ASIC2: variants seen among roughly 807,000 people sequenced by gnomAD.
The protein encoded by ASIC2 is acid sensing ion channel subunit 2, also known as acid-sensing ion channel 2.
ASIC2 carries 25 observed loss-of-function variants against 57.3 expected under a neutral mutation model. The observed-to-expected ratio is 0.44, with a 90% CI of 0.32 to 0.61. The LOEUF is 0.61. Ranked by LOEUF, ASIC2 falls within the 20% of genes least tolerant of loss-of-function variation. ASIC2 has a pLI of 0.06. For synonymous variants in ASIC2, 319 were observed against 307.5 expected (o/e 1.04, Z -0.39); for missense variants, 641 against 738.1 (o/e 0.87, Z 1.52).
At chr17:33,131,460 C>T (rs908944624) in intron 1 of ASIC2, 6 of 152,728 alleles carry the variant, frequency 3.9e-5, no homozygotes, top group Admixed American at 3.3e-4. Flanking sequence ...CCCAGAATCA[C>T]TCAGCTACAG....
At chr17:34,103,292 T>G (rs931520935) in intron 1 of ASIC2, among the ~76,000 whole-genome samples, 2 of 152,086 alleles carry the variant, frequency 1.3e-5, no homozygotes, top group African/African-American at 4.8e-5. Flanking sequence ...ACCACAGGCA[T>G]GTGCCACAAT....
At chr17:33,822,827 GA>G (rs1912787313) in intron 1 of ASIC2, among the ~76,000 whole-genome samples, 1 of 152,216 alleles carries the variant, frequency 6.6e-6, no homozygotes, top group Non-Finnish European at 1.5e-5. Context: ...ATCATGGCAG[GA>G]AAGATGTCGT....
intron 1 of ASIC2, among the ~76,000 whole-genome samples, chr17:33,802,119 GC>G (rs1912149395): frequency 6.6e-6 from 1 of 152,186 alleles, no homozygotes. Context: ...ATGACAGACT[GC>G]ATATACGACA....
intron 1 of ASIC2, among the ~76,000 whole-genome samples, chr17:33,227,279 C>T (rs1907917237): frequency 6.6e-6 from 1 of 152,196 alleles, no homozygotes; most frequent in Non-Finnish European, 1.5e-5. Flanking sequence ...AGAATTGTGT[C>T]ATTTACCCTT....
chr17:33,709,508 G>A (rs1020614214), intron 1 of ASIC2, among the ~76,000 whole-genome samples: 26 of 152,200 alleles, frequency 1.7e-4, no homozygotes, highest in Non-Finnish European at 2.9e-4. Context: ...TCAGCAGACT[G>A]CAACCCAGAA....
chr17:33,737,875 A>T (rs1047143558), intron 1 of ASIC2, among the ~76,000 whole-genome samples: 1 of 152,228 alleles, frequency 6.6e-6, no homozygotes, highest in African/African-American at 2.4e-5. Context: ...ACTGCAATCC[A>T]GTTGGATATG....
At chr17:34,052,393 C>T (rs1447727830) in intron 1 of ASIC2, among the ~76,000 whole-genome samples, 2 of 152,130 alleles carry the variant, frequency 1.3e-5, no homozygotes, top group Admixed American at 6.5e-5. Flanking sequence ...ATATTGCCAC[C>T]GGAATCCTCC....
intron 1 of ASIC2, among the ~76,000 whole-genome samples, chr17:33,980,361 A>T (rs959258126): frequency 2.6e-5 from 4 of 152,336 alleles, no homozygotes; most frequent in Non-Finnish European, 5.9e-5. Flanking sequence ...CCAGGATCAA[A>T]GAACTTCCCC....
At chr17:33,400,098 T>C (rs1372328199) in intron 1 of ASIC2, among the ~76,000 whole-genome samples, 3 of 152,170 alleles carry the variant, frequency 2.0e-5, no homozygotes, top group African/African-American at 7.2e-5. Context: ...CTGGTCTGGG[T>C]TAAAACTGCA....
At chr17:33,577,993 C>T (rs1203616418) in intron 1 of ASIC2, among the ~76,000 whole-genome samples, 2 of 151,938 alleles carry the variant, frequency 1.3e-5, no homozygotes, top group Non-Finnish European at 1.5e-5. Context: ...CTTGGGCTTC[C>T]AATCTCCATT....
At chr17:33,611,390 G>T (rs1256612958) in intron 1 of ASIC2, among the ~76,000 whole-genome samples, 1 of 152,190 alleles carries the variant, frequency 6.6e-6, no homozygotes, top group Non-Finnish European at 1.5e-5. Flanking sequence ...ATAACCCTGG[G>T]ATCCAGACCT....
chr17:33,200,806 A>G (rs892876284), intron 1 of ASIC2, among the ~76,000 whole-genome samples: 1 of 152,006 alleles, frequency 6.6e-6, no homozygotes, highest in African/African-American at 2.4e-5. Context: ...TCTGCTCACA[A>G]TCCTCCAATG....
intron 1 of ASIC2, among the ~76,000 whole-genome samples, chr17:33,886,233 G>T (rs1914826684): frequency 6.6e-6 from 1 of 152,116 alleles, no homozygotes; most frequent in African/African-American, 2.4e-5. Context: ...GTAGCCCTTA[G>T]GGCTTCTGCT....
chr17:33,268,388 T>G (rs1344629522), intron 1 of ASIC2, among the ~76,000 whole-genome samples: 1 of 151,828 alleles, frequency 6.6e-6, no homozygotes, highest in African/African-American at 2.4e-5. Context: ...CATCCATCCA[T>G]CCATCTATAC....
intron 1 of ASIC2, among the ~76,000 whole-genome samples, chr17:33,114,725 AG>A (rs1473068266): frequency 1.3e-5 from 2 of 152,234 alleles, no homozygotes; most frequent in African/African-American, 2.4e-5. Flanking sequence ...AGAATTGAAA[AG>A]GGTCTTAGAG....
intron 1 of ASIC2, among the ~76,000 whole-genome samples, chr17:33,414,069 G>A (rs1910753856): frequency 6.6e-6 from 1 of 152,176 alleles, no homozygotes; most frequent in Admixed American, 6.5e-5. Context: ...TCCTCCTTAA[G>A]TCTTGTTCCC....
chr17:33,044,304 A>C (rs941586471), intron 3 of ASIC2, among the ~76,000 whole-genome samples: 11 of 151,188 alleles, frequency 7.3e-5, no homozygotes, highest in Non-Finnish European at 4.4e-5. Context: ...CCATCCATCC[A>C]ACCATCCATC....
At chr17:33,712,142 G>A (rs1256409479) in intron 1 of ASIC2, among the ~76,000 whole-genome samples, 3 of 152,186 alleles carry the variant, frequency 2.0e-5, no homozygotes, top group Non-Finnish European at 4.4e-5. Context: ...GCTAATCCCT[G>A]TCTTCTTTCA....
chr17:33,691,728 C>A (rs1211497406), intron 1 of ASIC2, among the ~76,000 whole-genome samples: 2 of 152,038 alleles, frequency 1.3e-5, no homozygotes, highest in Non-Finnish European at 2.9e-5. Flanking sequence ...AACCAAATTA[C>A]TCTCTTCTCC....
Sources: allele counts gnomAD v4.1 joint callset (sites outside exome capture counted in the v4.1 genomes callset), GRCh38; gene constraint gnomAD v4.1.1; transcripts MANE v1.5; gene names NCBI Gene and HGNC (gene_info 2026-07-23, HGNC 2026-07-21).